Variants in SGCZ observed in about 807,000 individuals in gnomAD.
SGCZ encodes the protein zeta-sarcoglycan.
SGCZ carries 40 observed loss-of-function variants against 41.3 expected under a neutral mutation model. The ratio of observed to expected loss-of-function variants is 0.97; its 90% CI spans 0.75 to 1.26. The LOEUF (loss-of-function observed/expected upper bound fraction) is 1.26. Ranked by LOEUF, SGCZ falls within the 50% of genes most tolerant of loss-of-function variation. The probability of loss-of-function intolerance (pLI) is 0.00; values close to 1 mark genes in which losing one functional copy is unlikely to be tolerated. For missense variants in SGCZ, 552 were observed against 369.8 expected (o/e 1.49, Z -4.04); for synonymous variants, 206 against 137.5 (o/e 1.50, Z -3.49).
intron 3 of SGCZ, among the ~76,000 whole-genome samples, chr8:14,261,094 T>A (rs533348103): frequency 2.3e-3 from 222 of 95,596 alleles, no homozygotes; most frequent in African/African-American, 5.5e-3. Flanking sequence ...ACTTCAAGTA[T>A]AATAAAATAA....
At chr8:14,542,563 G>C (rs1373774064) in intron 2 of SGCZ, among the ~76,000 whole-genome samples, 1 of 152,064 alleles carries the variant, frequency 6.6e-6, no homozygotes, top group East Asian at 1.9e-4. Context: ...AGAGCACCGA[G>C]CTATTTATAC....
chr8:15,188,173 C>A (rs2117103435), intron 1 of SGCZ, among the ~76,000 whole-genome samples: 1 of 152,082 alleles, frequency 6.6e-6, no homozygotes, highest in East Asian at 1.9e-4. Context: ...ATAGTTCATT[C>A]ATTGGAGTAT....
intron 1 of SGCZ, among the ~76,000 whole-genome samples, chr8:14,814,622 G>C (rs1214278317): frequency 1.3e-5 from 2 of 152,164 alleles, no homozygotes; most frequent in Non-Finnish European, 2.9e-5. Flanking sequence ...TATTTTAAGA[G>C]TTCAGAGAAG....
chr8:14,837,075 C>T (rs1350264013), intron 1 of SGCZ, among the ~76,000 whole-genome samples: 1 of 152,154 alleles, frequency 6.6e-6, no homozygotes, highest in South Asian at 2.1e-4. Flanking sequence ...ATACCTGTAG[C>T]TCTTACAATT....
intron 1 of SGCZ, among the ~76,000 whole-genome samples, chr8:15,203,251 A>AT (rs1192582078): frequency 3.9e-5 from 6 of 152,194 alleles, no homozygotes. Flanking sequence ...TTGTAAGTAA[A>AT]TTTAAATGTA....
Position 15,209,108 on chromosome 8 carries a change from T to C in SGCZ, c.39+28477A>G, listed in dbSNP as rs566416755. The stretch of plus-strand genomic sequence containing the variant: ...TCATAACTTTGCATCACAAATATCT[T>C]AGTTTTTCCATCTGAAAATGGATGA... On this transcript the variant is annotated intron_variant, in intron 1 of 7. Transcript: ENST00000382080. Among the ~76,000 whole-genome samples, 5 of 151,490 alleles carry C rather than the reference T, an allele frequency of 3.3e-5. No homozygotes were observed. The South Asian group carries it at 8.4e-4, about 25-fold the overall frequency.
At chr8:14,278,524 C>G (rs60536578) in intron 3 of SGCZ, among the ~76,000 whole-genome samples, 2 of 152,150 alleles carry the variant, frequency 1.3e-5, no homozygotes, top group South Asian at 4.1e-4. Context: ...TCCTGCCCAA[C>G]TACTCAAAGT....
At chr8:14,380,140 G>A (rs1325783935) in intron 2 of SGCZ, among the ~76,000 whole-genome samples, 7 of 152,154 alleles carry the variant, frequency 4.6e-5, no homozygotes, top group Admixed American at 4.6e-4. Flanking sequence ...AGTGGGGCAT[G>A]AGAATTTTCC....
chr8:14,561,511 A>T (rs1294528077), intron 1 of SGCZ, among the ~76,000 whole-genome samples: 3 of 152,098 alleles, frequency 2.0e-5, no homozygotes, highest in Non-Finnish European at 4.4e-5. Flanking sequence ...TGTTACAATT[A>T]TCTTGGTTTT....
intron 3 of SGCZ, among the ~76,000 whole-genome samples, chr8:14,298,919 C>G (rs985417067): frequency 1.1e-4 from 17 of 151,938 alleles, no homozygotes; most frequent in Non-Finnish European, 1.5e-4. Flanking sequence ...TCTTATAGTA[C>G]TTGACTTCAA....
intron 1 of SGCZ, among the ~76,000 whole-genome samples, chr8:14,591,114 T>C (rs1349888201): frequency 6.6e-6 from 1 of 151,742 alleles, no homozygotes; most frequent in South Asian, 2.1e-4. Flanking sequence ...CTAATAAATC[T>C]TATTCACTAT....
intron 2 of SGCZ, among the ~76,000 whole-genome samples, chr8:14,538,922 A>G (rs887840907): frequency 2.0e-5 from 3 of 151,934 alleles, no homozygotes; most frequent in African/African-American, 7.2e-5. Context: ...AGCTATTTAA[A>G]TTACGTGATG....
chr8:14,937,348 A>T (rs1354363654), intron 1 of SGCZ, among the ~76,000 whole-genome samples: 1 of 152,088 alleles, frequency 6.6e-6, no homozygotes, highest in Non-Finnish European at 1.5e-5. Flanking sequence ...GGAAAACTGA[A>T]TTCTTATGAA....
At chr8:15,094,212 G>A (rs1279234420) in intron 1 of SGCZ, among the ~76,000 whole-genome samples, 1 of 151,860 alleles carries the variant, frequency 6.6e-6, no homozygotes, top group Non-Finnish European at 1.5e-5. Flanking sequence ...TTGGCTCACT[G>A]CTAACTCTAC....
intron 1 of SGCZ, among the ~76,000 whole-genome samples, chr8:14,573,231 T>G: frequency 7.7e-6 from 1 of 130,528 alleles, no homozygotes; most frequent in African/African-American, 2.9e-5. Context: ...GGAGTCTCGC[T>G]CTGTCGCCCA....
intron 3 of SGCZ, among the ~76,000 whole-genome samples, chr8:14,266,232 G>A (rs1361261149): frequency 2.6e-5 from 4 of 152,170 alleles, no homozygotes; most frequent in South Asian, 2.1e-4. Flanking sequence ...GAACCAAAAT[G>A]TAATGATCCA....
chr8:14,496,943 C>A (rs990786681), intron 2 of SGCZ, among the ~76,000 whole-genome samples: 14 of 152,004 alleles, frequency 9.2e-5, no homozygotes, highest in African/African-American at 3.1e-4. Context: ...GTTGTAGGTT[C>A]TTTTAGGTTG....
intron 1 of SGCZ, among the ~76,000 whole-genome samples, chr8:15,066,541 T>G (rs1014226022): frequency 6.6e-6 from 1 of 152,208 alleles, no homozygotes; most frequent in East Asian, 1.9e-4. Flanking sequence ...TTTTAAGATT[T>G]TCATAGTCAA....
intron 1 of SGCZ, among the ~76,000 whole-genome samples, chr8:14,978,616 C>T (rs1186735120): frequency 6.6e-6 from 1 of 151,504 alleles, no homozygotes; most frequent in Non-Finnish European, 1.5e-5. Context: ...TAGGTTTTGC[C>T]AGCTGCATCC....
Sources: allele counts gnomAD v4.1 joint callset (sites outside exome capture counted in the v4.1 genomes callset), GRCh38; gene constraint gnomAD v4.1.1; transcripts MANE v1.5; gene names NCBI Gene and HGNC (gene_info 2026-07-23, HGNC 2026-07-21).